AGBL1: variants seen among roughly 807,000 people sequenced by gnomAD.
The protein encoded by AGBL1 is cytosolic carboxypeptidase 4.
A neutral mutation model predicts 118.9 loss-of-function variants in AGBL1; 130 were observed. The ratio of observed to expected loss-of-function variants is 1.09; its 90% CI spans 0.95 to 1.26. The LOEUF is 1.26. AGBL1 is among the 50% of genes most tolerant of loss of function. AGBL1 has a pLI of 0.00. For missense variants in AGBL1, 1,584 were observed against 1,298.1 expected (o/e 1.22, Z -3.38); for synonymous variants, 555 against 478.9 (o/e 1.16, Z -2.08).
intron 1 of AGBL1, among the ~76,000 whole-genome samples, chr15:86,127,366 T>C (rs977023670): frequency 6.6e-6 from 1 of 152,248 alleles, no homozygotes; most frequent in Non-Finnish European, 1.5e-5. Context: ...GTCAATCTTT[T>C]ATAAATGACG....
At chr15:86,685,122 C>T (rs946941665) in intron 22 of AGBL1, among the ~76,000 whole-genome samples, 52 of 152,140 alleles carry the variant, frequency 3.4e-4, no homozygotes, top group Admixed American at 1.3e-4. Context: ...AAGTAGAATC[C>T]GATACAAGAC....
chr15:86,211,759 G>C (rs897109625), intron 5 of AGBL1, among the ~76,000 whole-genome samples: 3 of 152,178 alleles, frequency 2.0e-5, no homozygotes, highest in African/African-American at 7.2e-5. Flanking sequence ...GCTTCCCTTT[G>C]CTAGGAAAGG....
rs79178827 is a variant in AGBL1 at position 86,239,199 on chromosome 15, T to C, written c.527-8472T>C. 4.6e-5 allele frequency among the ~76,000 whole-genome samples: 7 copies of C among 152,342 alleles called. No individual in the cohort carries two copies. The East Asian group carries it at 1.4e-3, about 29-fold the overall frequency. ...GTAGTCTCTTACCTGTCCCGGTTTC[T>C]GGAGCTTCGGAAAAGCATCTTTAAT... On this transcript the variant is annotated intron_variant, in intron 6 of 22. Transcript: ENST00000614907.
intron 21 of AGBL1, among the ~76,000 whole-genome samples, chr15:86,577,424 G>A (rs1188627821): frequency 6.6e-6 from 1 of 152,146 alleles, no homozygotes; most frequent in Non-Finnish European, 1.5e-5. Flanking sequence ...AAGGGAAACA[G>A]AGCATAAAAA....
chr15:86,545,820 C>A (rs1355772540), intron 19 of AGBL1, among the ~76,000 whole-genome samples, 182 bp from the exon 20 acceptor site: 1 of 152,136 alleles, frequency 6.6e-6, no homozygotes, highest in East Asian at 1.9e-4. Flanking sequence ...ACAATCAATG[C>A]CACTCTTGCC....
At chr15:86,696,613 T>C (rs907862614) in intron 22 of AGBL1, among the ~76,000 whole-genome samples, 11 of 151,968 alleles carry the variant, frequency 7.2e-5, no homozygotes, top group African/African-American at 2.7e-4. Context: ...AGATGTGAGG[T>C]ACTATTCCGT....
At chr15:86,187,081 A>T (rs190052477) in intron 5 of AGBL1, among the ~76,000 whole-genome samples, 1 of 152,352 alleles carries the variant, frequency 6.6e-6, no homozygotes, top group Non-Finnish European at 1.5e-5. Flanking sequence ...TTTGTGTTTA[A>T]GCAAAAACAT....
chr15:86,351,556 G>T (rs933287682), intron 17 of AGBL1, among the ~76,000 whole-genome samples: 1 of 152,038 alleles, frequency 6.6e-6, no homozygotes, highest in Non-Finnish European at 1.5e-5. Flanking sequence ...AAGGTTGAAG[G>T]CCACTCCTTT....
Position 86,528,043 on chromosome 15 carries a change from C to G in AGBL1, c.2685+5104C>G, listed in dbSNP as rs573612154. Among the ~76,000 whole-genome samples the G allele has an allele frequency of 3.3e-5, 5 of 152,254 alleles. No individual in the cohort carries two copies. The South Asian group carries it at 6.2e-4, about 19-fold the overall frequency. ...GCATCATATATGTATAATTATGGTG[C>G]TACGTGTCAGGGATACAAAGAAAAT... On this transcript the variant is annotated intron_variant, in intron 19 of 22. Transcript: ENST00000614907.
intron 17 of AGBL1, among the ~76,000 whole-genome samples, chr15:86,360,910 A>AT (rs1313887275): frequency 6.6e-6 from 1 of 151,644 alleles, no homozygotes; most frequent in Admixed American, 6.6e-5. Context: ...GATTTTGCAT[A>AT]TTTTTTCAAA....
At chr15:86,089,226 A>C (rs1895865359) in intron 1 of AGBL1, among the ~76,000 whole-genome samples, 2 of 152,096 alleles carry the variant, frequency 1.3e-5, no homozygotes, top group African/African-American at 2.4e-5. Context: ...CTTGGTTTGG[A>C]AACTGGTTTC....
chr15:86,930,627 T>A (rs2080593424), intron 23 of AGBL1, among the ~76,000 whole-genome samples: 1 of 152,172 alleles, frequency 6.6e-6, no homozygotes, highest in Non-Finnish European at 1.5e-5. Flanking sequence ...AATACATTTA[T>A]CTGCCATGTG....
chr15:86,784,483 A>T (rs2078378783), intron 22 of AGBL1, among the ~76,000 whole-genome samples: 1 of 152,096 alleles, frequency 6.6e-6, no homozygotes, highest in South Asian at 2.1e-4. Flanking sequence ...GAATGCAGAG[A>T]CCCAGGTTCT....
chr15:86,525,943 G>C (rs951253006), intron 19 of AGBL1, among the ~76,000 whole-genome samples: 1 of 152,076 alleles, frequency 6.6e-6, no homozygotes, highest in Non-Finnish European at 1.5e-5. Context: ...CAGAATGGGA[G>C]AAAATGTTTG....
chr15:86,996,424 C>T (rs1314232574), intron 24 of AGBL1, among the ~76,000 whole-genome samples: 1 of 152,164 alleles, frequency 6.6e-6, no homozygotes, highest in Non-Finnish European at 1.5e-5. Flanking sequence ...AGTATATACA[C>T]TTTGTGCACT....
chr15:86,808,857 T>C (rs2078752475), intron 22 of AGBL1, among the ~76,000 whole-genome samples: 1 of 152,030 alleles, frequency 6.6e-6, no homozygotes, highest in Non-Finnish European at 1.5e-5. Context: ...CTCTCTGCTT[T>C]CCTTATCATT....
rs556777428 is a variant in AGBL1, at chr15:86,201,830, A to G, written c.489-23084A>G. ...CATGTCAGCTACTTCAGTAGGCCGC[A>G]CGGATTTAAATGGGTTAGAAGTTCC... On this transcript the variant is annotated intron_variant, in intron 5 of 22. Coordinates refer to ENST00000614907, the MANE Select transcript of AGBL1 (RefSeq NM_001386094.1). 1.9e-4 allele frequency among the ~76,000 whole-genome samples: 29 copies of G among 152,294 alleles called. No homozygotes were observed. The South Asian group carries it at 6.0e-3, about 32-fold the overall frequency.
chr15:86,093,287 ACCTG>A (rs1305468092), intron 1 of AGBL1, among the ~76,000 whole-genome samples: 70 of 152,284 alleles, frequency 4.6e-4, no homozygotes, highest in African/African-American at 1.5e-3. Context: ...AATCCTAAGT[ACCTG>A]CTAGTTGCAA....
rs566153748 is a variant in AGBL1 at position 86,385,451 on chromosome 15, C to T, written c.2375-11915C>T. Among the ~76,000 whole-genome samples, 5 of 152,294 alleles carry T rather than the reference C, an allele frequency of 3.3e-5. No homozygotes were observed. In the East Asian group the frequency reaches 9.7e-4, roughly 29 times the overall value. ...CACCTCAGACTCATTGGAGCAGAAT[C>T]TGCATTTCAGCAAGATCTCCAGAGG... On this transcript the variant is annotated intron_variant, in intron 17 of 22. Transcript: ENST00000614907.
Sources: allele counts gnomAD v4.1 joint callset (sites outside exome capture counted in the v4.1 genomes callset), GRCh38; gene constraint gnomAD v4.1.1; transcripts MANE v1.5; gene names NCBI Gene and HGNC (gene_info 2026-07-23, HGNC 2026-07-21).